The following DCUN1D1 variants were observed in gnomAD, a reference collection of about 807,000 sequenced individuals.
DCUN1D1 encodes the protein DCN1-like protein 1.
A neutral mutation model predicts 39.0 loss-of-function variants in DCUN1D1; 3 were observed. The ratio of observed to expected loss-of-function variants is 0.08; its 90% CI spans 0.04 to 0.20. DCUN1D1 has a LOEUF of 0.20. Ranked by LOEUF, DCUN1D1 falls within the 10% of genes least tolerant of loss-of-function variation. DCUN1D1 has a pLI of 1.00. For missense variants in DCUN1D1, 158 were observed against 302.4 expected (o/e 0.52, Z 3.54); for synonymous variants, 82 against 96.3 (o/e 0.85, Z 0.87).
intron 4 of DCUN1D1, among the ~76,000 whole-genome samples, chr3:182,959,501 C>CAAAAAAAAAAAAAAAAAAAAAAAAAAAAA (rs11373344): frequency 1.2e-5 from 1 of 81,136 alleles, no homozygotes; most frequent in African/African-American, 4.8e-5. Context: ...CTTCAAAAAC[C>CAAAAAAAAAAAAAAAAAAAAAAAAAAAAA]AAAAAAAAAA....
At chr3:182,948,179 T>G (rs1726514799) in intron 4 of DCUN1D1, among the ~76,000 whole-genome samples, 1 of 152,196 alleles carries the variant, frequency 6.6e-6, no homozygotes, top group Admixed American at 6.5e-5. Context: ...ACCTACAGGT[T>G]GGAAGGTGAA....
intron 1 of DCUN1D1, 61 bp from the exon 2 acceptor site, chr3:182,965,814 T>C (rs1727638777): frequency 2.8e-6 from 3 of 1,070,602 alleles, no homozygotes; most frequent in Non-Finnish European, 4.2e-6. Context: ...TAAATATTTC[T>C]ATATGGCTAA....
At chr3:182,967,453 T>C (rs1264682409) in intron 1 of DCUN1D1, among the ~76,000 whole-genome samples, 1 of 152,208 alleles carries the variant, frequency 6.6e-6, no homozygotes, top group African/African-American at 2.4e-5. Context: ...AACAAGACTA[T>C]GCAAAATCAA....
Position 182,940,059 on chromosome 3 carries a change from G to C in DCUN1D1, c.*5035C>G, listed in dbSNP as rs1726068695. Reference sequence around the variant, plus strand: ...TTACTGATTAAATATTGCTCTTTTAGCTATAAGTCATGTAATTATGTGACA... The same window carrying C: ...TTACTGATTAAATATTGCTCTTTTACCTATAAGTCATGTAATTATGTGACA... On this transcript the variant is annotated 3_prime_UTR_variant, in exon 7 of 7. Coordinates refer to ENST00000292782, the MANE Select transcript of DCUN1D1 (RefSeq NM_020640.4). 1 of 152,108 alleles carries C rather than the reference G, an allele frequency of 6.6e-6. No homozygotes were observed. Among genetic ancestry groups the C allele is most frequent in the African/African-American group, 2.4e-5 (1 of 41,410 alleles). The allele number at this position is 152,108 out of a possible 1,614,324, so 9.4% of individuals were successfully genotyped here. A position where few individuals can be genotyped will look rare whatever the true frequency, so the allele number is the denominator to read the frequency against.
intron 1 of DCUN1D1, among the ~76,000 whole-genome samples, chr3:182,979,769 G>A (rs540304140): frequency 1.3e-5 from 2 of 152,196 alleles, no homozygotes; most frequent in East Asian, 1.9e-4. Context: ...TATGAAATGA[G>A]AACAGGTTGC....
At chr3:182,971,034 G>A (rs897292578) in intron 1 of DCUN1D1, among the ~76,000 whole-genome samples, 1 of 152,176 alleles carries the variant, frequency 6.6e-6, no homozygotes, top group Non-Finnish European at 1.5e-5. Context: ...CCTTCTACCT[G>A]TACAGAGGCA....
At chr3:182,961,994 T>A (rs543967066) in intron 3 of DCUN1D1, among the ~76,000 whole-genome samples, 1 of 152,376 alleles carries the variant, frequency 6.6e-6, no homozygotes, top group Non-Finnish European at 1.5e-5. Flanking sequence ...CTATTTCTTA[T>A]AGATTCCACA....
intron 4 of DCUN1D1, among the ~76,000 whole-genome samples, chr3:182,955,109 C>T (rs1178154688): frequency 6.6e-6 from 1 of 151,676 alleles, no homozygotes; most frequent in African/African-American, 2.4e-5. Context: ...GGTGCGATCT[C>T]GGCTCACTGC....
chr3:182,952,035 G>A (rs994680512), intron 4 of DCUN1D1, among the ~76,000 whole-genome samples: 1 of 152,098 alleles, frequency 6.6e-6, no homozygotes, highest in African/African-American at 2.4e-5. Flanking sequence ...TCATTGCCCG[G>A]TTTCCCCATT....
At chr3:182,984,548 A>C (rs961103410), upstream of DCUN1D1, among the ~76,000 whole-genome samples, 11 of 152,100 alleles carry the variant, frequency 7.2e-5, no homozygotes, top group African/African-American at 2.4e-4. Context: ...TAAGATGGAA[A>C]CATCTAGCCA....
chr3:182,967,153 T>C (rs923979960), intron 1 of DCUN1D1, among the ~76,000 whole-genome samples: 3 of 103,926 alleles, frequency 2.9e-5, no homozygotes, highest in East Asian at 2.2e-4. Context: ...TATATATATA[T>C]ATATATTTTC....
Position 182,943,244 on chromosome 3 carries a change from T to C in DCUN1D1, c.*1850A>G. The C allele has an allele frequency of 6.8e-6, 1 of 147,764 alleles. No individual in the cohort carries two copies. Among genetic ancestry groups the C allele is most frequent in the South Asian group, 2.1e-4 (1 of 4,748 alleles). 9.2% of individuals were successfully genotyped at this position (147,764 alleles called of 1,614,324 possible). On this transcript the variant is annotated 3_prime_UTR_variant, in exon 7 of 7. Coordinates refer to ENST00000292782, the MANE Select transcript of DCUN1D1 (RefSeq NM_020640.4). ...CAGGAAACAAAACAGTACATATATA[T>C]AGATATATAGATATATATATCTTTT... is the stretch of plus-strand genomic sequence containing the variant.
In DCUN1D1 at chr3:182,940,196, A is replaced by G. The variant is rs1036595594; in HGVS notation, c.*4898T>C. Reference sequence around the variant, plus strand: ...TTTTTGTAAAAATCTCTTGCTTCGTATTGGGTATTGCCCAAGTTTTCCATC... The same window carrying G: ...TTTTTGTAAAAATCTCTTGCTTCGTGTTGGGTATTGCCCAAGTTTTCCATC... On this transcript the variant is annotated 3_prime_UTR_variant, in exon 7 of 7. Coordinates refer to ENST00000292782, the MANE Select transcript of DCUN1D1 (RefSeq NM_020640.4). 1.4e-4 allele frequency: 21 copies of G among 152,264 alleles called. No individual in the cohort carries two copies. The highest frequency in any genetic ancestry group is 5.1e-4 in the African/African-American group (21 of 41,558). 9.4% of individuals were successfully genotyped at this position (152,264 alleles called of 1,614,324 possible).
intron 3 of DCUN1D1, among the ~76,000 whole-genome samples, chr3:182,962,573 C>CA (rs2108373609): frequency 6.6e-6 from 1 of 152,314 alleles, no homozygotes; most frequent in South Asian, 2.1e-4. Flanking sequence ...CCTCTCCCCC[C>CA]AAACCCCAGA....
intron 1 of DCUN1D1, among the ~76,000 whole-genome samples, chr3:182,974,254 AAAAAAAC>A (rs1293307426): frequency 6.6e-6 from 1 of 152,152 alleles, no homozygotes; most frequent in African/African-American, 2.4e-5. Flanking sequence ...ACCCTGTCTC[AAAAAAAC>A]AAAAAACAAA....
At chr3:182,980,415 C>A in intron 1 of DCUN1D1, 72 bp downstream of exon 1, 1 of 1,000,080 alleles carries the variant, frequency 1.0e-6, no homozygotes, top group South Asian at 4.5e-5. Context: ...GGACGGAGGG[C>A]GGCCGGGGCG....
intron 1 of DCUN1D1, among the ~76,000 whole-genome samples, chr3:182,969,112 T>TAG (rs1727811415): frequency 6.6e-6 from 1 of 152,310 alleles, no homozygotes; most frequent in East Asian, 1.9e-4. Flanking sequence ...CTCCACTTCT[T>TAG]ACACTTACAA....
intron 4 of DCUN1D1, among the ~76,000 whole-genome samples, chr3:182,951,315 T>C (rs1487446246): frequency 2.6e-5 from 4 of 152,086 alleles, no homozygotes; most frequent in African/African-American, 9.7e-5. Context: ...AGGATGATGA[T>C]GAAATATTCA....
upstream of DCUN1D1, chr3:182,980,724 C>G: frequency 5.7e-6 from 1 of 176,412 alleles, no homozygotes. Context: ...GGGGAGTGGG[C>G]GGGGGCGGGG....
Sources: allele counts gnomAD v4.1 joint callset (sites outside exome capture counted in the v4.1 genomes callset), GRCh38; gene constraint gnomAD v4.1.1; transcripts MANE v1.5; gene names NCBI Gene and HGNC (gene_info 2026-07-23, HGNC 2026-07-21).